SPMIP7: variants seen among roughly 807,000 people sequenced by gnomAD.
The protein encoded by SPMIP7 is sperm microtubule inner protein 7.
At chr7:50,099,896 C>G in the SPMIP7 span, among the ~76,000 whole-genome samples, 1 of 152,150 alleles carries the variant, frequency 6.6e-6, no homozygotes, top group African/African-American at 2.4e-5. Flanking sequence ...GGGGGTTAAA[C>G]TATGTTGGAT....
chr7:50,102,052 C>T, the SPMIP7 span, among the ~76,000 whole-genome samples: 2 of 152,258 alleles, frequency 1.3e-5, no homozygotes, highest in African/African-American at 2.4e-5. Context: ...CGGGCGCAGC[C>T]GTGGCTCACG....
chr7:50,099,522 T>C, the SPMIP7 span, among the ~76,000 whole-genome samples: 2 of 152,244 alleles, frequency 1.3e-5, no homozygotes, highest in Non-Finnish European at 2.9e-5. Context: ...CTTTCATTCT[T>C]CATGACCTGG....
chr7:50,133,133 A>C, the SPMIP7 span, among the ~76,000 whole-genome samples: 2 of 152,034 alleles, frequency 1.3e-5, no homozygotes, highest in Non-Finnish European at 2.9e-5. Flanking sequence ...TATGGTTTTC[A>C]CTCAGGATCC....
chr7:50,146,256 A>G, the SPMIP7 span, among the ~76,000 whole-genome samples: 1 of 152,352 alleles, frequency 6.6e-6, no homozygotes, highest in South Asian at 2.1e-4. Context: ...GGCTGAGGCC[A>G]GAGGAAATGG....
At chr7:50,119,376 A>G in the SPMIP7 span, among the ~76,000 whole-genome samples, 2 of 152,222 alleles carry the variant, frequency 1.3e-5, no homozygotes, top group South Asian at 2.1e-4. Context: ...TTCTGACATC[A>G]TGAAAACTGA....
chr7:50,098,540 G>T, the SPMIP7 span, among the ~76,000 whole-genome samples: 10 of 152,080 alleles, frequency 6.6e-5, no homozygotes, highest in African/African-American at 2.4e-4. Flanking sequence ...AATACTAAAG[G>T]CTGGGTGGCT....
the SPMIP7 span, among the ~76,000 whole-genome samples, chr7:50,116,752 T>C: frequency 6.6e-6 from 1 of 152,166 alleles, no homozygotes; most frequent in Non-Finnish European, 1.5e-5. Flanking sequence ...TTTAAAAAAA[T>C]GGATACATAA....
the SPMIP7 span, among the ~76,000 whole-genome samples, chr7:50,122,174 T>C: frequency 3.3e-5 from 5 of 152,212 alleles, no homozygotes; most frequent in South Asian, 1.0e-3. Flanking sequence ...AAGTATAACA[T>C]TGTCCTCTGA....
At chr7:50,134,294 A>G in the SPMIP7 span, 269 of 1,456,402 alleles carry the variant, frequency 1.8e-4, 2 homozygotes, top group African/African-American at 3.2e-3. Flanking sequence ...TGTTATTGAA[A>G]TGAGTTCTAA....
the SPMIP7 span, among the ~76,000 whole-genome samples, chr7:50,148,496 G>A: frequency 6.6e-6 from 1 of 152,146 alleles, no homozygotes; most frequent in Non-Finnish European, 1.5e-5. Flanking sequence ...TTTTAATTCT[G>A]CAGGTGTTTT....
At chr7:50,111,069 A>G in the SPMIP7 span, among the ~76,000 whole-genome samples, 1 of 146,184 alleles carries the variant, frequency 6.8e-6, no homozygotes, top group Non-Finnish European at 1.5e-5. Context: ...TATCATATAT[A>G]TGATAAAATG....
At chr7:50,132,245 GGC>G in the SPMIP7 span, among the ~76,000 whole-genome samples, 2 of 152,068 alleles carry the variant, frequency 1.3e-5, no homozygotes, top group Admixed American at 1.3e-4. Flanking sequence ...TGCTGAACTT[GGC>G]ATCCTCCATT....
the SPMIP7 span, among the ~76,000 whole-genome samples, chr7:50,158,815 G>A: frequency 6.6e-6 from 1 of 151,942 alleles, no homozygotes; most frequent in Non-Finnish European, 1.5e-5. Flanking sequence ...TTCCTTGGGC[G>A]GCTTTCTGCA....
the SPMIP7 span, among the ~76,000 whole-genome samples, chr7:50,119,558 G>A: frequency 3.9e-5 from 6 of 152,246 alleles, no homozygotes; most frequent in East Asian, 5.8e-4. Flanking sequence ...ATCAGGAAAC[G>A]ATTCCACTAA....
the SPMIP7 span, among the ~76,000 whole-genome samples, chr7:50,114,516 G>GA: frequency 6.6e-6 from 1 of 151,296 alleles, no homozygotes; most frequent in Admixed American, 6.6e-5. Flanking sequence ...CAACAGAAAA[G>GA]AAAAAAATTT....
At chr7:50,136,288 G>C in the SPMIP7 span, 1 of 686,268 alleles carries the variant, frequency 1.5e-6, no homozygotes, top group South Asian at 1.8e-5. Flanking sequence ...CTGATGGAGA[G>C]CATCCCAGGG....
At chr7:50,120,814 G>C in the SPMIP7 span, among the ~76,000 whole-genome samples, 1 of 152,082 alleles carries the variant, frequency 6.6e-6, no homozygotes, top group Non-Finnish European at 1.5e-5. Flanking sequence ...CTTTAAATCA[G>C]ACCATTTTAC....
At chr7:50,103,771 A>G in the SPMIP7 span, among the ~76,000 whole-genome samples, 3 of 152,000 alleles carry the variant, frequency 2.0e-5, no homozygotes, top group Admixed American at 6.6e-5. Flanking sequence ...CCCCCACAGC[A>G]CTCTGAGCTC....
chr7:50,110,106 T>C, the SPMIP7 span, among the ~76,000 whole-genome samples: 7 of 152,148 alleles, frequency 4.6e-5, no homozygotes, highest in African/African-American at 1.7e-4. Context: ...TCTGAATAAA[T>C]AAAGCTTGTA....
Sources: gnomAD v4.1 joint callset for allele counts (sites outside exome capture counted in the v4.1 genomes callset) on GRCh38, gnomAD v4.1.1 for gene constraint, MANE v1.5 for transcripts, NCBI Gene and HGNC (gene_info 2026-07-23, HGNC 2026-07-21) for gene names.